The following WASHC2A variants were observed in gnomAD, a reference collection of about 807,000 sequenced individuals.
WASHC2A encodes WASH complex subunit FAM21A.
Under a neutral mutation model 140.3 loss-of-function variants are expected in WASHC2A, and 82 were observed. That is an observed-to-expected ratio of 0.58 (90% CI 0.49 to 0.70). The LOEUF (loss-of-function observed/expected upper bound fraction) is 0.70. Ranked by LOEUF, WASHC2A falls within the 30% of genes least tolerant of loss-of-function variation. The pLI is 0.00. For synonymous variants in WASHC2A, 340 were observed against 560.8 expected (o/e 0.61, Z 5.56); for missense variants, 985 against 1,521.8 (o/e 0.65, Z 5.87).
chr10:50,107,483 C>T (rs1469782437), intron 19 of WASHC2A, among the ~76,000 whole-genome samples: 2 of 151,680 alleles, frequency 1.3e-5, no homozygotes, highest in African/African-American at 4.9e-5. Context: ...TAAACATCTT[C>T]CTGTGTTATA....
chr10:50,128,418 C>T (rs1843639062), intron 28 of WASHC2A, among the ~76,000 whole-genome samples: 1 of 152,210 alleles, frequency 6.6e-6, no homozygotes, highest in South Asian at 2.1e-4. Flanking sequence ...CCCACAGCAG[C>T]GACACTGTTT....
intron 26 of WASHC2A, among the ~76,000 whole-genome samples, chr10:50,126,925 T>C (rs1843485276): frequency 6.6e-6 from 1 of 152,164 alleles, no homozygotes; most frequent in Non-Finnish European, 1.5e-5. Context: ...ACTCATCTTG[T>C]ATTCCTTGAC....
intron 4 of WASHC2A, among the ~76,000 whole-genome samples, chr10:50,079,542 G>A (rs1183992712): frequency 1.8e-4 from 28 of 152,280 alleles, no homozygotes; most frequent in African/African-American, 6.3e-4. Context: ...GACTACAGGC[G>A]TGTGCCACCA....
At position 50,129,960 on chromosome 10, in the gene WASHC2A, C is replaced by A; in HGVS notation, c.3629C>A (p.Thr1210Lys). 1 of 1,611,976 alleles carries A rather than the reference C, an allele frequency of 6.2e-7. No homozygotes were observed. The highest frequency in any genetic ancestry group is 1.1e-5 in the South Asian group (1 of 90,984). The change falls in exon 29 of 31, where the codon ACA becomes AAA. Residue 1210 changes from threonine (T) to lysine (K), a missense_variant. Physicochemically the swap from Thr to Lys is moderately conservative, Grantham distance 78. Coordinates refer to ENST00000282633, the MANE Select transcript of WASHC2A (RefSeq NM_001005751.3). ...CTGGAAGATGAGGATGACCTCTTTA[C>A]AGATCAGAAAGTCAAGAAGAATGAG... ...PLLEDEDDLF[T>K]DQKVKKNETK...
At position 50,079,660 on chromosome 10, in the gene WASHC2A, A is replaced by T. The variant is rs1263950108; in HGVS notation, c.354+923A>T. ...ATGATCCGCCAGCCTTGGCCTACCA[A>T]AGTGCTAGGATTACAGGCGTGAGCT... On this transcript the variant is annotated intron_variant, in intron 4 of 30. Coordinates refer to ENST00000282633, the MANE Select transcript of WASHC2A (RefSeq NM_001005751.3). 1.1e-3 allele frequency among the ~76,000 whole-genome samples: 173 copies of T among 152,344 alleles called. 1 individual carries two copies. Among genetic ancestry groups the T allele is most frequent in the African/African-American group, 4.0e-3 (166 of 41,570 alleles).
chr10:50,086,506 A>C (rs1839393566), intron 7 of WASHC2A, among the ~76,000 whole-genome samples: 2 of 151,914 alleles, frequency 1.3e-5, no homozygotes, highest in Non-Finnish European at 2.9e-5. Context: ...CAGGTTAGTT[A>C]CATATGTATA....
chr10:50,075,498 T>G (rs1457583005), intron 3 of WASHC2A, among the ~76,000 whole-genome samples: 1 of 151,980 alleles, frequency 6.6e-6, no homozygotes, highest in Non-Finnish European at 1.5e-5. Context: ...CTCAAACTCC[T>G]GGGCTCAAGC....
At chr10:50,131,277 T>G in intron 30 of WASHC2A, 199 bp downstream of exon 30, 2 of 738,122 alleles carry the variant, frequency 2.7e-6, no homozygotes, top group South Asian at 1.5e-5. Context: ...ATGATAGTCA[T>G]CAAAGAATTT....
intron 4 of WASHC2A, among the ~76,000 whole-genome samples, chr10:50,079,726 G>T (rs1294915852): frequency 6.6e-6 from 1 of 152,058 alleles, no homozygotes; most frequent in Non-Finnish European, 1.5e-5. Flanking sequence ...TAGAACTCAA[G>T]GATTTGCTAG....
chr10:50,131,288 G>C, intron 30 of WASHC2A: 1 of 746,580 alleles, frequency 1.3e-6, no homozygotes, highest in Non-Finnish European at 2.4e-6. Context: ...CAAAGAATTT[G>C]AAGGCACCCA....
intron 18 of WASHC2A, among the ~76,000 whole-genome samples, chr10:50,104,447 A>G (rs1443471612): frequency 1.2e-4 from 18 of 151,196 alleles, no homozygotes; most frequent in East Asian, 7.8e-4. Context: ...GCTCACTGCA[A>G]CCGGGTTCAG....
chr10:50,079,214 C>A (rs1838661762), intron 4 of WASHC2A, among the ~76,000 whole-genome samples: 1 of 150,742 alleles, frequency 6.6e-6, no homozygotes, highest in Non-Finnish European at 1.5e-5. Context: ...ATTGGAGTAG[C>A]TTTGATTTTG....
At chr10:50,124,256 A>C (rs1843228804) in intron 23 of WASHC2A, among the ~76,000 whole-genome samples, 1 of 151,750 alleles carries the variant, frequency 6.6e-6, no homozygotes, top group South Asian at 2.1e-4. Context: ...GGCACACGCC[A>C]CCACACCCGG....
At chr10:50,132,656 A>G (rs1213643617) in intron 30 of WASHC2A, 150 bp from the exon 31 acceptor site, 2 of 1,272,088 alleles carry the variant, frequency 1.6e-6, no homozygotes, top group African/African-American at 3.0e-5. Flanking sequence ...ACACAGAACC[A>G]GAATCTAAGA....
At chr10:50,089,999 A>C (rs1839732710) in intron 8 of WASHC2A, among the ~76,000 whole-genome samples, 1 of 150,956 alleles carries the variant, frequency 6.6e-6, no homozygotes, top group African/African-American at 2.4e-5. Context: ...AATCCTAGCT[A>C]CTCAGAGGGC....
intron 9 of WASHC2A, among the ~76,000 whole-genome samples, chr10:50,091,127 T>C (rs1456620347): frequency 6.6e-6 from 1 of 152,136 alleles, no homozygotes; most frequent in African/African-American, 2.4e-5. Context: ...TTGAAGACCA[T>C]AGTGCTCCTG....
intron 8 of WASHC2A, among the ~76,000 whole-genome samples, chr10:50,090,511 A>ATAT (rs1167025824): frequency 5.9e-4 from 37 of 62,678 alleles, no homozygotes; most frequent in East Asian, 9.7e-4. Context: ...TCAAAAAAAA[A>ATAT]AAAAATATAT....
chr10:50,079,654 C>T (rs1186403433), intron 4 of WASHC2A, among the ~76,000 whole-genome samples: 1 of 152,216 alleles, frequency 6.6e-6, no homozygotes, highest in Admixed American at 6.5e-5. Context: ...CAGCCTTGGC[C>T]TACCAAAGTG....
chr10:50,068,309 C>T (rs1837476213), intron 2 of WASHC2A, 82 bp downstream of exon 2: 1 of 1,367,778 alleles, frequency 7.3e-7, no homozygotes, highest in African/African-American at 1.5e-5. Context: ...GCGACTGCCC[C>T]TGCACCTGGC....
Sources: gnomAD v4.1 joint callset for allele counts (sites outside exome capture counted in the v4.1 genomes callset) on GRCh38, gnomAD v4.1.1 for gene constraint, MANE v1.5 for transcripts, NCBI Gene and HGNC (gene_info 2026-07-23, HGNC 2026-07-21) for gene names.